SS18: variants seen among roughly 807,000 people sequenced by gnomAD.
SS18 encodes protein SSXT.
A neutral mutation model predicts 72.5 loss-of-function variants in SS18; 28 were observed. That is an observed-to-expected ratio of 0.39 (90% CI 0.29 to 0.53). SS18 has a LOEUF of 0.53. SS18 is among the 20% of genes least tolerant of loss of function. The pLI is 0.76. For missense variants in SS18, 518 were observed against 535.3 expected (o/e 0.97, Z 0.32); for synonymous variants, 172 against 164.2 (o/e 1.05, Z -0.37).
At chr18:26,076,671 A>G (rs187175014) in intron 3 of SS18, among the ~76,000 whole-genome samples, 1 of 152,068 alleles carries the variant, frequency 6.6e-6, no homozygotes, top group African/African-American at 2.4e-5. Context: ...TATATGTTTT[A>G]TATAAAGTAG....
At chr18:26,082,392 G>A (rs535350151) in intron 2 of SS18, 8 of 955,722 alleles carry the variant, frequency 8.4e-6, no homozygotes, top group East Asian at 1.1e-4. Context: ...ATTAGACAAC[G>A]GGAATGCACT....
intron 3 of SS18, among the ~76,000 whole-genome samples, chr18:26,067,253 C>A (rs80264856): frequency 0.012 from 1,892 of 152,160 alleles, 17 homozygotes; most frequent in Non-Finnish European, 0.021. Context: ...ATGCTAGGTA[C>A]CAGTGAAAGA....
At chr18:26,090,962 C>A, upstream of SS18, 1 of 246,210 alleles carries the variant, frequency 4.1e-6, no homozygotes, top group Non-Finnish European at 7.9e-6. Flanking sequence ...GAAATGCGAG[C>A]GGCCCAAGCC....
intron 10 of SS18, among the ~76,000 whole-genome samples, chr18:26,031,373 G>T (rs906488803): frequency 6.6e-6 from 1 of 152,128 alleles, no homozygotes. Flanking sequence ...AGTTACCACT[G>T]CATCTGAGTT....
At chr18:26,033,566 C>G (rs1327536403) in intron 9 of SS18, among the ~76,000 whole-genome samples, 1 of 150,806 alleles carries the variant, frequency 6.6e-6, no homozygotes, top group Non-Finnish European at 1.5e-5. Context: ...TGTTTTCTAT[C>G]GTAGCCATTC....
At chr18:26,090,359 G>A (rs984490522) in intron 1 of SS18, 142 bp downstream of exon 1, 2 of 791,248 alleles carry the variant, frequency 2.5e-6, no homozygotes, top group South Asian at 1.5e-5. Context: ...ACAGCCAGCA[G>A]TCCGTGTTCC....
intron 3 of SS18, among the ~76,000 whole-genome samples, chr18:26,060,815 G>A (rs1412282727): frequency 7.8e-6 from 1 of 127,798 alleles, no homozygotes; most frequent in Non-Finnish European, 1.6e-5. Flanking sequence ...AATCAGCCAG[G>A]CGCAGTGGCA....
chr18:26,044,098 G>C (rs1233504791), intron 5 of SS18, among the ~76,000 whole-genome samples: 1 of 152,052 alleles, frequency 6.6e-6, no homozygotes, highest in Non-Finnish European at 1.5e-5. Flanking sequence ...TCAACAAATA[G>C]GATAAAGCAG....
chr18:26,022,255 G>A (rs2053364975), intron 10 of SS18, among the ~76,000 whole-genome samples: 1 of 152,084 alleles, frequency 6.6e-6, no homozygotes, highest in Admixed American at 6.6e-5. Context: ...TCTACTAGGT[G>A]ACAGAGACTC....
intron 1 of SS18, chr18:26,090,270 T>C: frequency 1.8e-6 from 1 of 554,796 alleles, no homozygotes; most frequent in Non-Finnish European, 3.2e-6. Flanking sequence ...TTTGGGCTTT[T>C]GTGTCTGTAG....
chr18:26,063,532 A>T (rs899431482), intron 3 of SS18, among the ~76,000 whole-genome samples: 1 of 152,182 alleles, frequency 6.6e-6, no homozygotes, highest in African/African-American at 2.4e-5. Flanking sequence ...AGAAAAAAAT[A>T]ATAATAATAA....
At chr18:26,027,195 TTAAAACTATAAAACTTA>T (rs1490320110) in intron 10 of SS18, among the ~76,000 whole-genome samples, 1 of 152,190 alleles carries the variant, frequency 6.6e-6, no homozygotes. Context: ...AAAACTTATT[TTAAAACTATAAAACTTA>T]TAAAACTATA....
chr18:26,023,367 C>T (rs1050626297), intron 10 of SS18, among the ~76,000 whole-genome samples: 1 of 152,088 alleles, frequency 6.6e-6, no homozygotes, highest in African/African-American at 2.4e-5. Context: ...ACTCAACAAA[C>T]TCCAAGCATA....
chr18:26,087,436 G>A, intron 2 of SS18, 65 bp downstream of exon 2: 1 of 869,454 alleles, frequency 1.2e-6, no homozygotes, highest in East Asian at 2.5e-5. Flanking sequence ...AAAGCTGTTA[G>A]TAAAAAGTAA....
At chr18:26,078,347 G>C in intron 2 of SS18, 187 bp from the exon 3 acceptor site, 2 of 484,244 alleles carry the variant, frequency 4.1e-6, no homozygotes, top group South Asian at 3.3e-5. Context: ...TGAGCTCAGA[G>C]ATCTTGCCAT....
At chr18:26,028,114 G>A (rs1179392838) in intron 10 of SS18, among the ~76,000 whole-genome samples, 2 of 151,868 alleles carry the variant, frequency 1.3e-5, no homozygotes, top group Admixed American at 6.6e-5. Context: ...AAAAAATAAA[G>A]AGCCTCCAAT....
At chr18:26,056,682 A>G (rs930515694) in intron 4 of SS18, among the ~76,000 whole-genome samples, 15 of 152,242 alleles carry the variant, frequency 9.9e-5, no homozygotes, top group African/African-American at 3.6e-4. Context: ...AAAGATGCCA[A>G]TTACTAATTT....
At chr18:26,027,661 G>C (rs1267863104) in intron 10 of SS18, among the ~76,000 whole-genome samples, 2 of 103,822 alleles carry the variant, frequency 1.9e-5, no homozygotes, top group Non-Finnish European at 3.5e-5. Context: ...GTGACAGAGC[G>C]AGACTCATCT....
At chr18:26,032,012 G>A (rs911656720) in intron 10 of SS18, among the ~76,000 whole-genome samples, 2 of 151,992 alleles carry the variant, frequency 1.3e-5, no homozygotes, top group African/African-American at 4.8e-5. Context: ...TCACGGAGGG[G>A]GAACCAAATG....
Sources: allele counts gnomAD v4.1 joint callset (sites outside exome capture counted in the v4.1 genomes callset), GRCh38; gene constraint gnomAD v4.1.1; transcripts MANE v1.5; gene names NCBI Gene and HGNC (gene_info 2026-07-23, HGNC 2026-07-21).